The following UNC79 variants were observed in gnomAD, a reference collection of about 807,000 sequenced individuals.
UNC79 encodes unc-79 subunit of NALCN channel complex.
A neutral mutation model predicts 283.1 loss-of-function variants in UNC79; 37 were observed. That is an observed-to-expected ratio of 0.13 (90% CI 0.10 to 0.17). The LOEUF (loss-of-function observed/expected upper bound fraction) is 0.17, where lower values mean the gene tolerates loss of function less well. UNC79 is among the 10% of genes least tolerant of loss of function. UNC79 has a pLI of 1.00. For missense variants in UNC79, 2,272 were observed against 3,211.1 expected (o/e 0.71, Z 7.07); for synonymous variants, 1,107 against 1,200.2 (o/e 0.92, Z 1.61).
chr14:93,420,980 TA>T (rs2055586173), intron 1 of UNC79, among the ~76,000 whole-genome samples: 1 of 151,688 alleles, frequency 6.6e-6, no homozygotes, highest in Non-Finnish European at 1.5e-5. Context: ...AGTTCCCAGC[TA>T]TAAGTGCCTA....
chr14:93,672,541 T>C (rs2072972329), intron 40 of UNC79, among the ~76,000 whole-genome samples: 1 of 151,810 alleles, frequency 6.6e-6, no homozygotes, highest in Non-Finnish European at 1.5e-5. Context: ...ATGAAGAGAG[T>C]GGTTCATGGG....
chr14:93,534,782 A>G (rs1423872675), intron 11 of UNC79, among the ~76,000 whole-genome samples: 1 of 152,212 alleles, frequency 6.6e-6, no homozygotes, highest in Non-Finnish European at 1.5e-5. Flanking sequence ...AACATATTTG[A>G]CACCCAGGGT....
chr14:93,530,963 A>G (rs1012273702), intron 10 of UNC79, among the ~76,000 whole-genome samples: 5 of 152,208 alleles, frequency 3.3e-5, no homozygotes, highest in African/African-American at 1.2e-4. Context: ...AAACCTGTAA[A>G]AAGATTTGGG....
chr14:93,648,653 G>A (rs926194227), intron 35 of UNC79, among the ~76,000 whole-genome samples: 1 of 152,238 alleles, frequency 6.6e-6, no homozygotes, highest in South Asian at 2.1e-4. Context: ...GGTGGTCCCA[G>A]TCTGGTCTTG....
At chr14:93,481,022 A>G (rs976460773) in intron 4 of UNC79, among the ~76,000 whole-genome samples, 1 of 152,124 alleles carries the variant, frequency 6.6e-6, no homozygotes, top group East Asian at 1.9e-4. Context: ...AAGTGGACCT[A>G]ATGAGGTATT....
intron 20 of UNC79, among the ~76,000 whole-genome samples, chr14:93,585,355 G>A (rs2064144172): frequency 6.6e-6 from 1 of 152,182 alleles, no homozygotes; most frequent in African/African-American, 2.4e-5. Flanking sequence ...GGGGTGCTCT[G>A]TCGACACGTG....
intron 1 of UNC79, among the ~76,000 whole-genome samples, chr14:93,397,978 C>CA (rs969992645): frequency 3.9e-4 from 59 of 152,212 alleles, no homozygotes; most frequent in Middle Eastern, 3.4e-3. Flanking sequence ...TGAATTGCTG[C>CA]AAGCCCTTAG....
At position 93,336,931 on chromosome 14, in the gene UNC79, T is replaced by C. The variant is rs570504245; in HGVS notation, c.-351+3408T>C. Among the ~76,000 whole-genome samples, 4 of 152,292 alleles carry C rather than the reference T, an allele frequency of 2.6e-5. No individual in the cohort carries two copies. The South Asian group carries it at 8.3e-4, about 32-fold the overall frequency. ...TTGGATCATGAAGGCAGATCCCTCA[T>C]GAATGGCTTCACACTATCCCCTTGT... On this transcript the variant is annotated intron_variant, in intron 1 of 49. Transcript: ENST00000256339.
chr14:93,333,574 G>A (rs2053503867), intron 1 of UNC79: 1 of 395,974 alleles, frequency 2.5e-6, no homozygotes, highest in African/African-American at 2.1e-5. Flanking sequence ...TGCTACTTGT[G>A]TAGTAGGTTA....
At chr14:93,663,500 T>C (rs913446394) in intron 40 of UNC79, among the ~76,000 whole-genome samples, 3 of 152,240 alleles carry the variant, frequency 2.0e-5, no homozygotes, top group Non-Finnish European at 1.5e-5. Flanking sequence ...ATGTTTCTTA[T>C]TCATGTTGTC....
At chr14:93,622,414 A>C in exon 30 of UNC79, 1 of 1,614,164 alleles carries the variant, frequency 6.2e-7, no homozygotes, top group Non-Finnish European at 8.5e-7. Context: ...AAGGATCCTC[A>C]AAGCCAGAGG....
Position 93,703,752 on chromosome 14 carries a change from A to C in UNC79, c.7549-873A>C, listed in dbSNP as rs368380665. Among the ~76,000 whole-genome samples, 78 of 152,322 alleles carry C rather than the reference A, an allele frequency of 5.1e-4. No homozygotes were observed. In the East Asian group the frequency reaches 0.01, roughly 20 times the overall value. Reference sequence around the variant, plus strand: ...TGCATATTGGTGTATTAAAGATCTGAGAAGTACTGAAATATAGAAACTAAC... The same window carrying C: ...TGCATATTGGTGTATTAAAGATCTGCGAAGTACTGAAATATAGAAACTAAC... On this transcript the variant is annotated intron_variant, in intron 47 of 48. Coordinates refer to ENST00000555664, the Ensembl canonical transcript of UNC79.
intron 1 of UNC79, among the ~76,000 whole-genome samples, chr14:93,424,281 A>G (rs2055675208): frequency 6.6e-6 from 1 of 152,214 alleles, no homozygotes. Flanking sequence ...GTAAATTAGT[A>G]TAACCACTAT....
chr14:93,568,379 A>G (rs1426167528), intron 14 of UNC79, among the ~76,000 whole-genome samples: 1 of 152,122 alleles, frequency 6.6e-6, no homozygotes, highest in African/African-American at 2.4e-5. Context: ...GTGATATAAA[A>G]CTTACTAGTT....
At chr14:93,487,733 A>G (rs1342075901) in exon 5 of UNC79, 1 of 1,613,954 alleles carries the variant, frequency 6.2e-7, no homozygotes. Context: ...TAATGATTGC[A>G]ATGCAGTACA....
At chr14:93,540,777 G>T in exon 13 of UNC79, 1 of 1,613,644 alleles carries the variant, frequency 6.2e-7, no homozygotes, top group Non-Finnish European at 8.5e-7. Flanking sequence ...TTGATAACAA[G>T]GACGATGATA....
intron 13 of UNC79, among the ~76,000 whole-genome samples, chr14:93,541,158 A>T (rs2061351701): frequency 6.6e-6 from 1 of 152,208 alleles, no homozygotes; most frequent in Non-Finnish European, 1.5e-5. Context: ...AGTTGCTAGT[A>T]TATATTGTCA....
At chr14:93,512,973 C>T (rs2059896701) in intron 7 of UNC79, among the ~76,000 whole-genome samples, 1 of 148,004 alleles carries the variant, frequency 6.8e-6, no homozygotes, top group African/African-American at 2.7e-5. Context: ...TGTAGAGACT[C>T]TGAACTATTT....
At chr14:93,651,809 G>A (rs1419298839) in intron 35 of UNC79, among the ~76,000 whole-genome samples, 2 of 151,682 alleles carry the variant, frequency 1.3e-5, no homozygotes, top group Admixed American at 6.6e-5. Context: ...GTGCAATCTC[G>A]GCTCACAGCA....
Sources: gnomAD v4.1 joint callset for allele counts (sites outside exome capture counted in the v4.1 genomes callset) on GRCh38, gnomAD v4.1.1 for gene constraint, MANE v1.5 for transcripts, NCBI Gene and HGNC (gene_info 2026-07-23, HGNC 2026-07-21) for gene names.